The following OPCML variants were observed in gnomAD, a reference collection of about 807,000 sequenced individuals.
The protein encoded by OPCML is opioid binding protein/cell adhesion molecule like, also known as opioid-binding protein/cell adhesion molecule.
In OPCML, 13 loss-of-function variants were observed where a neutral mutation model predicts 37.8. The ratio of observed to expected loss-of-function variants is 0.34; its 90% CI spans 0.22 to 0.55. The LOEUF is 0.55. Ranked by LOEUF, OPCML falls within the 20% of genes least tolerant of loss-of-function variation. The pLI is 0.91. For synonymous variants in OPCML, 176 were observed against 168.8 expected (o/e 1.04, Z -0.33); for missense variants, 341 against 435.6 (o/e 0.78, Z 1.93).
chr11:133,258,341 C>G (rs928777485), intron 1 of OPCML, among the ~76,000 whole-genome samples: 7 of 152,168 alleles, frequency 4.6e-5, no homozygotes, highest in African/African-American at 1.4e-4. Flanking sequence ...GTAGGAAAGA[C>G]TGGCTCTACA....
chr11:133,238,681 A>T (rs1940614843), intron 1 of OPCML, among the ~76,000 whole-genome samples: 1 of 151,964 alleles, frequency 6.6e-6, no homozygotes, highest in Admixed American at 6.6e-5. Flanking sequence ...GTCATAAAGC[A>T]ATGTGACTTC....
chr11:132,973,729 T>C (rs1344375543), intron 1 of OPCML, among the ~76,000 whole-genome samples: 1 of 152,214 alleles, frequency 6.6e-6, no homozygotes, highest in Non-Finnish European at 1.5e-5. Context: ...CTTTGGTCAC[T>C]TCATACATCT....
rs563184453 is a variant in OPCML at position 133,405,635 on chromosome 11, G to C, written c.61+126629C>G. On this transcript the variant is annotated intron_variant, in intron 1 of 7. Coordinates refer to ENST00000524381, the MANE Select transcript of OPCML (RefSeq NM_001012393.5). ...CTGTGTTGTTTCTTTTGCGTGATCT[G>C]GCTCTAGCGCTGGGGGAAGCAGAGC... Among the ~76,000 whole-genome samples, 10 of 152,220 alleles carry C rather than the reference G, an allele frequency of 6.6e-5. No homozygotes were observed. The South Asian group carries it at 2.1e-3, about 32-fold the overall frequency.
chr11:132,482,717 C>T (rs1008813147), intron 4 of OPCML, among the ~76,000 whole-genome samples: 1 of 152,096 alleles, frequency 6.6e-6, no homozygotes, highest in Non-Finnish European at 1.5e-5. Flanking sequence ...AAAGCTTATC[C>T]ACCATGATGA....
intron 1 of OPCML, among the ~76,000 whole-genome samples, chr11:132,980,578 GCA>G (rs1946560249): frequency 6.6e-6 from 1 of 152,200 alleles, no homozygotes; most frequent in South Asian, 2.1e-4. Flanking sequence ...AGCAAGGAAT[GCA>G]CTTGAAGTGC....
intron 1 of OPCML, among the ~76,000 whole-genome samples, chr11:133,052,858 G>A (rs1471951858): frequency 6.6e-6 from 1 of 152,220 alleles, no homozygotes; most frequent in Non-Finnish European, 1.5e-5. Flanking sequence ...AGAGGCCTGA[G>A]CCCAGGGATG....
intron 1 of OPCML, among the ~76,000 whole-genome samples, chr11:133,191,325 A>C (rs1938303918): frequency 6.6e-6 from 1 of 152,158 alleles, no homozygotes; most frequent in African/African-American, 2.4e-5. Flanking sequence ...TTGGTTTGTC[A>C]TTTTATTATA....
chr11:132,715,884 A>C (rs894008556), intron 2 of OPCML, among the ~76,000 whole-genome samples: 1 of 152,174 alleles, frequency 6.6e-6, no homozygotes, highest in Non-Finnish European at 1.5e-5. Flanking sequence ...GTCGGAATAG[A>C]GGTAGAAGCA....
In OPCML at chr11:132,675,861, A is replaced by G. The variant is rs533396783; in HGVS notation, c.147-18542T>C. 2.0e-5 allele frequency among the ~76,000 whole-genome samples: 3 copies of G among 152,312 alleles called. No individual in the cohort carries two copies. In the East Asian group the frequency reaches 5.8e-4, roughly 29 times the overall value. On this transcript the variant is annotated intron_variant, in intron 2 of 7. Coordinates refer to ENST00000524381, the MANE Select transcript of OPCML (RefSeq NM_001012393.5). ...AATTTAATATTGTGAAGATGGTCAT[A>G]TTTCCCAAACTGTTCTACAGAGTCG...
intron 1 of OPCML, among the ~76,000 whole-genome samples, chr11:133,433,656 C>T (rs544189844): frequency 1.3e-5 from 2 of 152,284 alleles, no homozygotes; most frequent in South Asian, 2.1e-4. Context: ...AGCAGTCTTC[C>T]AGTTAAGGAT....
At chr11:133,016,347 T>G (rs1365109195) in intron 1 of OPCML, among the ~76,000 whole-genome samples, 1 of 152,178 alleles carries the variant, frequency 6.6e-6, no homozygotes, top group Non-Finnish European at 1.5e-5. Context: ...GTTGTGGGAC[T>G]GAAGTCCTTG....
intron 1 of OPCML, among the ~76,000 whole-genome samples, chr11:133,266,792 T>C (rs192845769): frequency 4.8e-4 from 73 of 152,264 alleles, no homozygotes; most frequent in African/African-American, 1.7e-3. Flanking sequence ...GCCAGAACAA[T>C]GTGGTTAATA....
intron 1 of OPCML, among the ~76,000 whole-genome samples, chr11:132,981,854 C>A (rs1353970212): frequency 6.6e-6 from 1 of 152,190 alleles, no homozygotes; most frequent in Non-Finnish European, 1.5e-5. Flanking sequence ...TTGCCAGGTT[C>A]TGTGTTAGGC....
At chr11:133,140,300 T>C (rs1949751126) in intron 1 of OPCML, among the ~76,000 whole-genome samples, 1 of 149,476 alleles carries the variant, frequency 6.7e-6, no homozygotes, top group Non-Finnish European at 1.5e-5. Flanking sequence ...TCACCTGAGG[T>C]CAGGAGTTCA....
At chr11:132,690,685 T>A (rs1358452980) in intron 2 of OPCML, among the ~76,000 whole-genome samples, 1 of 152,212 alleles carries the variant, frequency 6.6e-6, no homozygotes, top group Admixed American at 6.5e-5. Context: ...TGTGTGCTCA[T>A]GCGTGTGTGC....
intron 1 of OPCML, chr11:133,006,122 C>T (rs1387348025): frequency 1.0e-6 from 1 of 985,108 alleles, no homozygotes; most frequent in South Asian, 4.7e-5. Flanking sequence ...TGTGAGACAG[C>T]CAGGTGGGAG....
At chr11:132,978,269 A>C (rs1365815652) in intron 1 of OPCML, among the ~76,000 whole-genome samples, 1 of 152,164 alleles carries the variant, frequency 6.6e-6, no homozygotes, top group Admixed American at 6.5e-5. Context: ...AAATTATTTG[A>C]CTTTTAACCT....
At chr11:133,019,332 A>G (rs544670310) in intron 1 of OPCML, among the ~76,000 whole-genome samples, 2 of 152,332 alleles carry the variant, frequency 1.3e-5, no homozygotes, top group East Asian at 3.9e-4. Flanking sequence ...GGGTGAAACC[A>G]GAGATAAGAT....
chr11:133,487,057 T>C lies in OPCML; in HGVS notation c.61+45207A>G, dbSNP rs530648373. On this transcript the variant is annotated intron_variant, in intron 1 of 7. Coordinates refer to ENST00000524381, the MANE Select transcript of OPCML (RefSeq NM_001012393.5). ...TTGTTCATTCTGATTACATCAACAG[T>C]TTTCTAAATAACTTCCTACCTCCTC... Among the ~76,000 whole-genome samples, 4 of 152,138 alleles carry C rather than the reference T, an allele frequency of 2.6e-5. No homozygotes were observed. The South Asian group carries it at 8.3e-4, about 32-fold the overall frequency.
Sources: gnomAD v4.1 joint callset for allele counts (sites outside exome capture counted in the v4.1 genomes callset) on GRCh38, gnomAD v4.1.1 for gene constraint, MANE v1.5 for transcripts, NCBI Gene and HGNC (gene_info 2026-07-23, HGNC 2026-07-21) for gene names.